The following NBAS variants were observed in gnomAD, a reference collection of about 807,000 sequenced individuals.
NBAS encodes the protein NBAS subunit of NRZ tethering complex.
In NBAS, 219 loss-of-function variants were observed where a neutral mutation model predicts 302.5. The ratio of observed to expected loss-of-function variants is 0.72; its 90% CI spans 0.65 to 0.81. The LOEUF (loss-of-function observed/expected upper bound fraction) is 0.81. Among genes scored for constraint, NBAS ranks in the 30% least tolerant of loss-of-function variants. The pLI, the probability that NBAS is intolerant of heterozygous loss-of-function variation, is 0.00. For synonymous variants in NBAS, 1,118 were observed against 1,021.6 expected (o/e 1.09, Z -1.80); for missense variants, 2,932 against 2,841.6 (o/e 1.03, Z -0.72).
At chr2:15,236,665 G>C (rs1233555544) in intron 45 of NBAS, among the ~76,000 whole-genome samples, 1 of 147,820 alleles carries the variant, frequency 6.8e-6, no homozygotes, top group Non-Finnish European at 1.5e-5. Flanking sequence ...TTAAAAATAA[G>C]TACTTAAAAA....
chr2:15,037,986 T>C, the NBAS span, among the ~76,000 whole-genome samples: 1 of 151,934 alleles, frequency 6.6e-6, no homozygotes, highest in African/African-American at 2.4e-5. Context: ...CAGCCTCAAA[T>C]TGGATACACT....
intron 9 of NBAS, among the ~76,000 whole-genome samples, chr2:15,531,881 C>T (rs1251658044): frequency 6.6e-6 from 1 of 152,056 alleles, no homozygotes; most frequent in Non-Finnish European, 1.5e-5. Context: ...AGAACTTGCC[C>T]CCTACTCTCC....
intron 25 of NBAS, among the ~76,000 whole-genome samples, chr2:15,403,377 C>T (rs1033263463): frequency 1.3e-5 from 2 of 152,176 alleles, no homozygotes; most frequent in Non-Finnish European, 2.9e-5. Flanking sequence ...GCCCTCCATA[C>T]CTGTGGGCTC....
the NBAS span, among the ~76,000 whole-genome samples, chr2:14,971,092 C>T: frequency 3.0e-4 from 46 of 152,306 alleles, no homozygotes; most frequent in African/African-American, 1.1e-3. Context: ...CTCATAACTA[C>T]AAATTTTAGC....
At chr2:15,440,819 A>G in intron 21 of NBAS, among the ~76,000 whole-genome samples, 1 of 152,018 alleles carries the variant, frequency 6.6e-6, no homozygotes, top group Non-Finnish European at 1.5e-5. Context: ...AAAGGAGCTG[A>G]TGGAGCTGAA....
At chr2:15,495,754 C>G (rs754147012) in intron 11 of NBAS, among the ~76,000 whole-genome samples, 1 of 152,052 alleles carries the variant, frequency 6.6e-6, no homozygotes, top group Non-Finnish European at 1.5e-5. Context: ...CCACTTCACA[C>G]CTACTAGGAT....
chr2:14,840,892 T>A, the NBAS span, among the ~76,000 whole-genome samples: 1 of 152,028 alleles, frequency 6.6e-6, no homozygotes, highest in Admixed American at 6.6e-5. Context: ...CTCCCAATAT[T>A]TTTATTGTAA....
intron 1 of NBAS, among the ~76,000 whole-genome samples, chr2:15,560,717 GCAGACT>G (rs1431521017): frequency 6.6e-6 from 1 of 152,086 alleles, no homozygotes; most frequent in Admixed American, 6.5e-5. Flanking sequence ...GGCAGATGCT[GCAGACT>G]GTAAGGTCCT....
the NBAS span, among the ~76,000 whole-genome samples, chr2:15,110,429 G>A: frequency 6.6e-6 from 1 of 152,124 alleles, no homozygotes; most frequent in Non-Finnish European, 1.5e-5. Context: ...CTAATACACT[G>A]ATTGGGAGTA....
the NBAS span, among the ~76,000 whole-genome samples, chr2:15,072,999 C>T: frequency 2.8e-4 from 42 of 152,092 alleles, no homozygotes; most frequent in South Asian, 1.0e-3. Context: ...ATTGGTGGCT[C>T]GCACCTGTAG....
At chr2:15,420,620 C>T (rs879749624) in intron 23 of NBAS, among the ~76,000 whole-genome samples, 10 of 151,982 alleles carry the variant, frequency 6.6e-5, no homozygotes, top group East Asian at 1.9e-4. Context: ...TAGAAAGCCA[C>T]GCTAAGCAGG....
chr2:14,791,588 G>A, the NBAS span, among the ~76,000 whole-genome samples: 4 of 152,010 alleles, frequency 2.6e-5, no homozygotes, highest in Admixed American at 6.6e-5. Context: ...CACATCACGA[G>A]GTCAGGAGTT....
chr2:15,258,023 T>A (rs967602539), intron 44 of NBAS, among the ~76,000 whole-genome samples: 1 of 152,192 alleles, frequency 6.6e-6, no homozygotes, highest in African/African-American at 2.4e-5. Context: ...ATTTTTATAT[T>A]TAATAGTTAT....
chr2:15,188,901 T>C (rs1665213002), intron 49 of NBAS, among the ~76,000 whole-genome samples: 1 of 152,168 alleles, frequency 6.6e-6, no homozygotes, highest in Non-Finnish European at 1.5e-5. Context: ...CTTACAAAAG[T>C]ATGGCATTAG....
At chr2:15,220,265 G>A (rs1284993156) in intron 47 of NBAS, among the ~76,000 whole-genome samples, 1 of 150,324 alleles carries the variant, frequency 6.7e-6, no homozygotes, top group Admixed American at 6.6e-5. Context: ...GGGCAGAGGC[G>A]CCCCTCACCT....
intron 22 of NBAS, among the ~76,000 whole-genome samples, chr2:15,426,680 T>C (rs1677495546): frequency 6.6e-6 from 1 of 152,234 alleles, no homozygotes; most frequent in African/African-American, 2.4e-5. Context: ...CCAGGTAATA[T>C]TAATGATAAT....
intron 47 of NBAS, among the ~76,000 whole-genome samples, chr2:15,230,393 C>CA (rs35319491): frequency 0.3 from 27,499 of 90,336 alleles, 3,770 homozygotes; most frequent in Middle Eastern, 0.35. Context: ...ATTTTTTAGG[C>CA]AAAAAAAAAA....
intron 21 of NBAS, among the ~76,000 whole-genome samples, chr2:15,442,926 A>T (rs1678510722): frequency 6.6e-6 from 1 of 152,180 alleles, no homozygotes; most frequent in South Asian, 2.1e-4. Context: ...ATTCCTCGAC[A>T]CATACACTCT....
chr2:15,154,845 C>T, the NBAS span, among the ~76,000 whole-genome samples: 1 of 152,170 alleles, frequency 6.6e-6, no homozygotes, highest in Non-Finnish European at 1.5e-5. Flanking sequence ...CCAACCTCCC[C>T]AGCCATGGAG....
Sources: gnomAD v4.1 joint callset for allele counts (sites outside exome capture counted in the v4.1 genomes callset) on GRCh38, gnomAD v4.1.1 for gene constraint, MANE v1.5 for transcripts, NCBI Gene and HGNC (gene_info 2026-07-23, HGNC 2026-07-21) for gene names.